The following MCTP1 variants were observed in gnomAD, a reference collection of about 807,000 sequenced individuals.
MCTP1 encodes the protein multiple C2 and transmembrane domain-containing protein 1.
Under a neutral mutation model 120.6 loss-of-function variants are expected in MCTP1, and 69 were observed. The observed-to-expected ratio is 0.57, with a 90% confidence interval of 0.47 to 0.70. The LOEUF (loss-of-function observed/expected upper bound fraction) is 0.70, where lower values mean the gene tolerates loss of function less well. Among genes scored for constraint, MCTP1 ranks in the 30% least tolerant of loss-of-function variants. The pLI is 0.00. For synonymous variants in MCTP1, 529 were observed against 493.1 expected (o/e 1.07, Z -0.96); for missense variants, 1,203 against 1,248.8 (o/e 0.96, Z 0.55).
chr5:94,767,524 AC>A (rs1773063406), intron 19 of MCTP1, among the ~76,000 whole-genome samples: 1 of 152,176 alleles, frequency 6.6e-6, no homozygotes, highest in Non-Finnish European at 1.5e-5. Flanking sequence ...TAAAGACACC[AC>A]AAAAAAACCT....
At chr5:95,184,018 G>A (rs1748915441) in intron 1 of MCTP1, among the ~76,000 whole-genome samples, 1 of 152,032 alleles carries the variant, frequency 6.6e-6, no homozygotes, top group South Asian at 2.1e-4. Flanking sequence ...GGGGTGAGGG[G>A]CTAGGGGAGG....
rs556601616 is a variant in MCTP1 at position 94,957,390 on chromosome 5, T to C, written c.839-4029A>G. ...GCGAAATAACCAGCTAGCATCAAAA[T>C]GACAGGATCAAATTCACACATAATA... On this transcript the variant is annotated intron_variant, in intron 2 of 22. Transcript: ENST00000515393. 3.9e-5 allele frequency among the ~76,000 whole-genome samples: 6 copies of C among 152,252 alleles called. No homozygotes were observed. The South Asian group carries it at 1.2e-3, about 32-fold the overall frequency.
intron 1 of MCTP1, among the ~76,000 whole-genome samples, chr5:95,107,326 G>A (rs1305191944): frequency 1.3e-5 from 2 of 152,132 alleles, no homozygotes; most frequent in African/African-American, 4.8e-5. Flanking sequence ...AAATGCTTCA[G>A]GGCATTTGCT....
intron 1 of MCTP1, among the ~76,000 whole-genome samples, chr5:95,053,298 T>G (rs560638949): frequency 6.6e-6 from 1 of 152,204 alleles, no homozygotes; most frequent in Non-Finnish European, 1.5e-5. Flanking sequence ...TATAAAATCA[T>G]GCACTCCAAA....
intron 2 of MCTP1, among the ~76,000 whole-genome samples, chr5:94,995,846 T>C (rs758279272): frequency 1.6e-4 from 25 of 152,280 alleles, no homozygotes; most frequent in Non-Finnish European, 8.8e-5. Flanking sequence ...GATAGAGTTC[T>C]AGTTAATAGG....
chr5:94,889,463 A>T (rs777453968), intron 11 of MCTP1, among the ~76,000 whole-genome samples: 2 of 151,858 alleles, frequency 1.3e-5, no homozygotes, highest in Admixed American at 6.6e-5. Flanking sequence ...GGTGGCGGGC[A>T]CCTGTAATCC....
intron 1 of MCTP1, among the ~76,000 whole-genome samples, chr5:95,018,462 G>GT (rs1172110687): frequency 6.6e-6 from 1 of 151,000 alleles, no homozygotes; most frequent in Non-Finnish European, 1.5e-5. Context: ...AATCTTTACG[G>GT]TATATAATTC....
chr5:94,933,353 C>T (rs111747435), intron 5 of MCTP1, among the ~76,000 whole-genome samples: 77 of 151,882 alleles, frequency 5.1e-4, no homozygotes, highest in Non-Finnish European at 1.0e-3. Flanking sequence ...TAAATCTTTA[C>T]TTTTGATGTT....
intron 1 of MCTP1, among the ~76,000 whole-genome samples, chr5:95,080,173 C>G (rs974207671): frequency 6.6e-6 from 1 of 152,068 alleles, no homozygotes; most frequent in Non-Finnish European, 1.5e-5. Context: ...CAAAATCTAC[C>G]CCTGTCCTTT....
At chr5:95,023,795 G>A (rs939781797) in intron 1 of MCTP1, among the ~76,000 whole-genome samples, 1 of 152,172 alleles carries the variant, frequency 6.6e-6, no homozygotes, top group Non-Finnish European at 1.5e-5. Context: ...TATCTGAAGT[G>A]CTAGGCTCAC....
chr5:95,266,742 C>A (rs149254178), intron 1 of MCTP1, among the ~76,000 whole-genome samples: 1,605 of 152,266 alleles, frequency 0.011, 25 homozygotes, highest in African/African-American at 0.035. Context: ...ATTGTAGTAG[C>A]TGGCTGGGGA....
chr5:94,817,076 A>G (rs1314658357), intron 17 of MCTP1, among the ~76,000 whole-genome samples: 3 of 152,120 alleles, frequency 2.0e-5, no homozygotes, highest in Non-Finnish European at 4.4e-5. Flanking sequence ...TATCATCTCA[A>G]ACCTTCAAGA....
chr5:95,032,019 A>G (rs1468226669), intron 1 of MCTP1, among the ~76,000 whole-genome samples: 1 of 152,160 alleles, frequency 6.6e-6, no homozygotes, highest in Non-Finnish European at 1.5e-5. Flanking sequence ...ATGATAAAAG[A>G]TTCCTCCAAC....
chr5:95,214,087 A>G, intron 1 of MCTP1, among the ~76,000 whole-genome samples: 1 of 152,270 alleles, frequency 6.6e-6, no homozygotes, highest in Non-Finnish European at 1.5e-5. Context: ...AACCTACAGA[A>G]TGGGAGAAAA....
At chr5:94,908,285 T>G (rs1277637331) in intron 10 of MCTP1, among the ~76,000 whole-genome samples, 2 of 151,986 alleles carry the variant, frequency 1.3e-5, no homozygotes, top group Non-Finnish European at 2.9e-5. Context: ...ACTTTACAAG[T>G]AAAATAGTAA....
At chr5:94,751,039 C>T (rs775022362) in intron 19 of MCTP1, among the ~76,000 whole-genome samples, 1 of 152,126 alleles carries the variant, frequency 6.6e-6, no homozygotes, top group Non-Finnish European at 1.5e-5. Flanking sequence ...CAACAGTCCC[C>T]ATATCTCTCC....
intron 1 of MCTP1, among the ~76,000 whole-genome samples, chr5:95,234,510 C>G (rs1463630935): frequency 6.6e-6 from 1 of 152,150 alleles, no homozygotes; most frequent in Non-Finnish European, 1.5e-5. Flanking sequence ...ACTTCTGGCT[C>G]TCATCCTCCA....
rs778767211 is a variant in MCTP1 at position 95,017,511 on chromosome 5, T to C, written c.721-27A>G. Reference sequence around the variant, plus strand: ...TGGAAAACACGAAATATAAAAAATATTAAATTTATTATCTCTGTTCTATTT... The same window carrying C: ...TGGAAAACACGAAATATAAAAAATACTAAATTTATTATCTCTGTTCTATTT... On this transcript the variant is annotated intron_variant, in intron 1 of 22. Coordinates refer to ENST00000515393, the MANE Select transcript of MCTP1 (RefSeq NM_024717.7). The C allele has an allele frequency of 3.6e-6, 5 of 1,377,550 alleles. No homozygotes were observed. In the East Asian group the frequency reaches 7.7e-5, roughly 21 times the overall value. The allele number at this position is 1,377,550 out of a possible 1,614,324, so 85.3% of individuals were successfully genotyped here. A position where few individuals can be genotyped will look rare whatever the true frequency, so the allele number is the denominator to read the frequency against.
chr5:94,704,956 A>T lies in MCTP1; in HGVS notation c.*2540T>A, dbSNP rs1754195164. On this transcript the variant is annotated 3_prime_UTR_variant, in exon 23 of 23. Transcript: ENST00000515393. ...CTTTTTGATAAGTGGGGAAAAATTT[A>T]AAAGCACAAATACGCATTTCTTATG... The T allele has an allele frequency of 6.6e-6, 1 of 151,392 alleles. No individual in the cohort carries two copies. Among genetic ancestry groups the T allele is most frequent in the African/African-American group, 2.4e-5 (1 of 41,356 alleles). The allele number at this position is 151,392 out of a possible 1,614,324, so 9.4% of individuals were successfully genotyped here. A position where few individuals can be genotyped will look rare whatever the true frequency, so the allele number is the denominator to read the frequency against.
Sources: gnomAD v4.1 joint callset for allele counts (sites outside exome capture counted in the v4.1 genomes callset) on GRCh38, gnomAD v4.1.1 for gene constraint, MANE v1.5 for transcripts, NCBI Gene and HGNC (gene_info 2026-07-23, HGNC 2026-07-21) for gene names.